Variants in OXSR1 observed in about 807,000 individuals in gnomAD.
OXSR1 encodes oxidative stress responsive kinase 1.
Under a neutral mutation model 79.8 loss-of-function variants are expected in OXSR1, and 24 were observed. That is an observed-to-expected ratio of 0.30 (90% CI 0.22 to 0.42). The LOEUF (loss-of-function observed/expected upper bound fraction) is 0.42, where lower values mean the gene tolerates loss of function less well. Among genes scored for constraint, OXSR1 ranks in the 10% least tolerant of loss-of-function variants. OXSR1 has a pLI of 1.00. For missense variants in OXSR1, 430 were observed against 618.4 expected (o/e 0.70, Z 3.23); for synonymous variants, 226 against 209.2 (o/e 1.08, Z -0.69).
intron 3 of OXSR1, among the ~76,000 whole-genome samples, chr3:38,196,752 C>T (rs1286721227): frequency 1.3e-5 from 2 of 152,176 alleles, no homozygotes; most frequent in African/African-American, 4.8e-5. Context: ...TTTCATCTAC[C>T]AGACTAGAAG....
At chr3:38,230,505 C>T (rs774617919) in intron 10 of OXSR1, 75 bp downstream of exon 10, 2 of 932,422 alleles carry the variant, frequency 2.1e-6, no homozygotes, top group Admixed American at 3.7e-5. Context: ...TTAAGTAATA[C>T]ATTGTTAATA....
At chr3:38,168,945 C>G (rs1701521094) in intron 1 of OXSR1, among the ~76,000 whole-genome samples, 1 of 152,202 alleles carries the variant, frequency 6.6e-6, no homozygotes, top group African/African-American at 2.4e-5. Flanking sequence ...CAAGTCACCC[C>G]ATGAATATGT....
chr3:38,241,390 T>C (rs1305348648), intron 11 of OXSR1, among the ~76,000 whole-genome samples: 3 of 152,150 alleles, frequency 2.0e-5, no homozygotes, highest in Admixed American at 2.0e-4. Context: ...GACTGCATTT[T>C]ATACTGGAGG....
Position 38,254,145 on chromosome 3 carries a change from G to C in OXSR1, c.*1254G>C, listed in dbSNP as rs1194688555. The C allele has an allele frequency of 7.5e-6, 3 of 398,552 alleles. No homozygotes were observed. Among genetic ancestry groups the C allele is most frequent in the African/African-American group, 2.1e-5 (1 of 48,584 alleles). The allele number at this position is 398,552 out of a possible 1,614,324, so 24.7% of individuals were successfully genotyped here. A position where few individuals can be genotyped will look rare whatever the true frequency, so the allele number is the denominator to read the frequency against. On this transcript the variant is annotated 3_prime_UTR_variant, in exon 18 of 18. Transcript: ENST00000311806. ...ACCCTACCGAGTTTTATATATGAGT[G>C]GGATACTCAATCTGGCCTTAAAAAG... is the stretch of plus-strand genomic sequence containing the variant.
At chr3:38,238,680 C>T (rs1409224160) in intron 11 of OXSR1, among the ~76,000 whole-genome samples, 1 of 152,082 alleles carries the variant, frequency 6.6e-6, no homozygotes, top group East Asian at 1.9e-4. Context: ...TTGTGACATT[C>T]TTATTCTTGT....
Position 38,252,826 on chromosome 3 carries a change from G to T in OXSR1, c.1519G>T (p.Val507Phe), listed in dbSNP as rs1295707091. Residue 507 changes from valine (V) to phenylalanine (F), a missense_variant, in exon 18 of 18, where the codon GTC (valine) becomes TTC (phenylalanine). Physicochemically the swap from Val to Phe is conservative, Grantham distance 50 (BLOSUM62 -1). Transcript: ENST00000311806. ...RSVTFKLASG[V>F]EGSDIPDDGK... ...TTTGTTTGGTTCTTAGGCATCTGGT[G>T]TCGAAGGCTCAGATATTCCTGATGA... 1.6e-5 allele frequency: 25 copies of T among 1,612,852 alleles called. No individual in the cohort carries two copies. The highest frequency in any genetic ancestry group is 2.1e-5 in the Non-Finnish European group (25 of 1,178,984).
chr3:38,190,921 G>A (rs943109052), intron 3 of OXSR1, 82 bp downstream of exon 3: 19 of 762,970 alleles, frequency 2.5e-5, no homozygotes, highest in East Asian at 1.8e-4. Flanking sequence ...TCCTGATTTC[G>A]TTTTCATGGA....
chr3:38,194,604 T>G (rs1429484201), intron 3 of OXSR1, among the ~76,000 whole-genome samples: 1 of 152,070 alleles, frequency 6.6e-6, no homozygotes, highest in East Asian at 1.9e-4. Flanking sequence ...GAGTTAGTAC[T>G]GGGGAAAGAT....
chr3:38,204,981 C>G (rs1702239016), intron 4 of OXSR1, among the ~76,000 whole-genome samples: 1 of 152,208 alleles, frequency 6.6e-6, no homozygotes, highest in African/African-American at 2.4e-5. Flanking sequence ...CTTGACAGAA[C>G]TCAGGTTCTG....
At chr3:38,250,707 G>C (rs951035231) in intron 15 of OXSR1, among the ~76,000 whole-genome samples, 1 of 152,164 alleles carries the variant, frequency 6.6e-6, no homozygotes, top group African/African-American at 2.4e-5. Context: ...AAAAGATGCA[G>C]GTGTACAGAG....
Position 38,254,509 on chromosome 3 carries a change from A to G in OXSR1, c.*1618A>G. ...AGACACCGGAGTTCAACGTCCCAGC[A>G]GTCTTGGTAAAAGGAGGGAGCCTGC... On this transcript the variant is annotated 3_prime_UTR_variant, in exon 18 of 18. Coordinates refer to ENST00000311806, the MANE Select transcript of OXSR1 (RefSeq NM_005109.3). 2.8e-6 allele frequency: 1 copy of G among 358,606 alleles called. No individual in the cohort carries two copies. Among genetic ancestry groups the G allele is most frequent in the East Asian group, 4.0e-5 (1 of 24,882 alleles). The allele number at this position is 358,606 out of a possible 1,614,324, so 22.2% of individuals were successfully genotyped here. A position where few individuals can be genotyped will look rare whatever the true frequency, so the allele number is the denominator to read the frequency against.
intron 15 of OXSR1, 33 bp downstream of exon 15, chr3:38,250,051 C>T (rs762148582): frequency 5.2e-6 from 7 of 1,340,130 alleles, no homozygotes; most frequent in Non-Finnish European, 5.4e-6. Flanking sequence ...AACAAAATAG[C>T]TTCCAATTTG....
chr3:38,235,030 T>C (rs1196200848), intron 10 of OXSR1, among the ~76,000 whole-genome samples: 5 of 152,098 alleles, frequency 3.3e-5, no homozygotes, highest in African/African-American at 9.7e-5. Flanking sequence ...ATGTTGAAAA[T>C]AGGCAAATGT....
intron 16 of OXSR1, among the ~76,000 whole-genome samples, chr3:38,252,010 G>C (rs1169526830): frequency 6.6e-6 from 1 of 152,218 alleles, no homozygotes; most frequent in Non-Finnish European, 1.5e-5. Flanking sequence ...AACAAAAACA[G>C]ACCACAGGCT....
chr3:38,212,348 C>T (rs1187274262), intron 4 of OXSR1, among the ~76,000 whole-genome samples: 1 of 152,128 alleles, frequency 6.6e-6, no homozygotes, highest in African/African-American at 2.4e-5. Flanking sequence ...AAGTAATTTT[C>T]CTCTGTCTCT....
intron 8 of OXSR1, chr3:38,225,079 G>A (rs1351983432): frequency 2.6e-5 from 4 of 153,622 alleles, no homozygotes; most frequent in South Asian, 4.1e-4. Context: ...TATATTTAGT[G>A]TAATAATCAT....
At position 38,165,837 on chromosome 3, in the gene OXSR1, C is replaced by T. The variant is rs1194654167; in HGVS notation, c.-40C>T. The T allele has an allele frequency of 1.3e-6, 2 of 1,572,984 alleles. No homozygotes were observed. Among genetic ancestry groups the T allele is most frequent in the Non-Finnish European group, 1.7e-6 (2 of 1,152,916 alleles). On this transcript the variant is annotated 5_prime_UTR_variant, in exon 1 of 18. Transcript: ENST00000311806. ...CGCGCGGCGAGGAGACGAGCGAGGT[C>T]AGCGAGTTTGAGGGAGGACCGCGAG...
intron 1 of OXSR1, among the ~76,000 whole-genome samples, chr3:38,171,559 G>A (rs1227190221): frequency 6.6e-6 from 1 of 151,828 alleles, no homozygotes; most frequent in African/African-American, 2.4e-5. Context: ...TTATGGGATT[G>A]TTTCTCACAT....
At chr3:38,180,722 C>T (rs945286062) in intron 1 of OXSR1, among the ~76,000 whole-genome samples, 11 of 151,690 alleles carry the variant, frequency 7.3e-5, no homozygotes, top group Admixed American at 2.6e-4. Context: ...TTTGTAGAGA[C>T]AGGGTTTTGC....
Sources: gnomAD v4.1 joint callset for allele counts (sites outside exome capture counted in the v4.1 genomes callset) on GRCh38, gnomAD v4.1.1 for gene constraint, MANE v1.5 for transcripts, NCBI Gene and HGNC (gene_info 2026-07-23, HGNC 2026-07-21) for gene names.